Variants in CPAMD8 observed in about 807,000 individuals in gnomAD.
CPAMD8 encodes C3 and PZP-like alpha-2-macroglobulin domain-containing protein 8.
A neutral mutation model predicts 224.7 loss-of-function variants in CPAMD8; 146 were observed. The observed-to-expected ratio is 0.65, with a 90% CI of 0.57 to 0.75. The LOEUF (loss-of-function observed/expected upper bound fraction) is 0.75, where lower values mean the gene tolerates loss of function less well. Among genes scored for constraint, CPAMD8 ranks in the 30% least tolerant of loss-of-function variants. CPAMD8 has a pLI of 0.00. For missense variants in CPAMD8, 2,301 were observed against 2,537.5 expected (o/e 0.91, Z 2.00); for synonymous variants, 966 against 1,044.6 (o/e 0.92, Z 1.45).
chr19:16,997,365 G>A (rs1056529603), intron 10 of CPAMD8, 27 bp from the exon 11 acceptor site: 9 of 1,339,788 alleles, frequency 6.7e-6, no homozygotes, highest in Non-Finnish European at 9.5e-6. Flanking sequence ...CACAGCCCGT[G>A]CTCACTCAGG....
chr19:16,989,521 C>G (rs1422959750), intron 13 of CPAMD8, 122 bp downstream of exon 13: 48 of 1,214,176 alleles, frequency 4.0e-5, no homozygotes, highest in Non-Finnish European at 5.2e-5. Context: ...TCCTAACCTC[C>G]AGTGATCCGC....
chr19:17,001,161 A>G (rs1392533698), intron 9 of CPAMD8, among the ~76,000 whole-genome samples: 1 of 151,934 alleles, frequency 6.6e-6, no homozygotes, highest in African/African-American at 2.4e-5. Context: ...GTCTCTACTA[A>G]AAATACAAAA....
chr19:16,942,418 C>T (rs560453086), intron 22 of CPAMD8, among the ~76,000 whole-genome samples: 216 of 151,974 alleles, frequency 1.4e-3, no homozygotes, highest in Middle Eastern at 0.014. Flanking sequence ...GCTGAGATTG[C>T]ACCACTGCAC....
chr19:17,001,897 C>T (rs962997547), intron 9 of CPAMD8, among the ~76,000 whole-genome samples: 3 of 150,440 alleles, frequency 2.0e-5, no homozygotes, highest in Non-Finnish European at 3.0e-5. Context: ...GGATGATGCT[C>T]TAGCGGGTGG....
At chr19:16,968,721 C>T (rs372789053) in intron 18 of CPAMD8, among the ~76,000 whole-genome samples, 7 of 152,164 alleles carry the variant, frequency 4.6e-5, no homozygotes, top group African/African-American at 1.7e-4. Context: ...TCACTGCAGC[C>T]TCAACCTTCC....
intron 41 of CPAMD8, chr19:16,893,557 G>A (rs561747029): frequency 8.3e-5 from 39 of 468,434 alleles, no homozygotes; most frequent in Admixed American, 1.4e-4. Context: ...ATACCACCCC[G>A]GAGAAGATGG....
At chr19:17,005,658 G>A (rs2056468838) in intron 7 of CPAMD8, among the ~76,000 whole-genome samples, 1 of 152,142 alleles carries the variant, frequency 6.6e-6, no homozygotes, top group Admixed American at 6.6e-5. Flanking sequence ...TGATCATATG[G>A]GGAGGGCCAT....
At chr19:16,995,408 G>GT (rs1427038534) in intron 11 of CPAMD8, among the ~76,000 whole-genome samples, 2 of 150,060 alleles carry the variant, frequency 1.3e-5, no homozygotes, top group Non-Finnish European at 3.0e-5. Context: ...TTTGTTTTTT[G>GT]TTTTTTTATT....
intron 22 of CPAMD8, among the ~76,000 whole-genome samples, chr19:16,945,010 G>A (rs572892418): frequency 4.5e-4 from 69 of 152,272 alleles, no homozygotes; most frequent in African/African-American, 1.6e-3. Context: ...GTCATCTCTG[G>A]CTTCCCACCC....
chr19:16,959,893 T>A (rs2054595792), intron 18 of CPAMD8, among the ~76,000 whole-genome samples: 2 of 152,186 alleles, frequency 1.3e-5, no homozygotes, highest in Admixed American at 6.5e-5. Flanking sequence ...TTGTTAACTC[T>A]TTTACCTGGC....
chr19:16,950,924 C>T (rs2054280049), intron 20 of CPAMD8, among the ~76,000 whole-genome samples: 1 of 151,798 alleles, frequency 6.6e-6, no homozygotes, highest in African/African-American at 2.4e-5. Context: ...AACTGTGGGA[C>T]AATACATTTC....
At position 16,899,986 on chromosome 19, in the gene CPAMD8, T is replaced by C. The variant is rs2052186051; in HGVS notation, c.4774-437A>G. On this transcript the variant is annotated intron_variant, in intron 36 of 41. Coordinates refer to ENST00000443236, the MANE Select transcript of CPAMD8 (RefSeq NM_015692.5). The surrounding 1 kb of genome is among the most constrained non-coding windows in gnomAD (Gnocchi z 5.4). ...TGACCACATCCTCATCCCCTGGTGC[T>C]CCGTGCAGCCTCCTTGGAGGGGAGG... Among the ~76,000 whole-genome samples, 1 of 151,378 alleles carries C rather than the reference T, an allele frequency of 6.6e-6. No individual in the cohort carries two copies. The highest frequency in any genetic ancestry group is 1.5e-5 in the Non-Finnish European group (1 of 67,930).
chr19:16,976,420 G>C (rs531414000), intron 15 of CPAMD8, among the ~76,000 whole-genome samples: 1 of 152,118 alleles, frequency 6.6e-6, no homozygotes, highest in African/African-American at 2.4e-5. Context: ...AGGTTGCAGG[G>C]AGCTGAGAGA....
chr19:17,009,926 G>A (rs767471456), intron 5 of CPAMD8, among the ~76,000 whole-genome samples: 6 of 152,120 alleles, frequency 3.9e-5, no homozygotes, highest in Admixed American at 6.6e-5. Context: ...GATCCTGCCC[G>A]AGATTCACAG....
chr19:16,939,901 GTTT>G (rs951268272), intron 22 of CPAMD8, among the ~76,000 whole-genome samples: 1 of 151,030 alleles, frequency 6.6e-6, no homozygotes, highest in African/African-American at 2.4e-5. Context: ...GTTGTTTTGG[GTTT>G]TTTTTGTTTT....
chr19:16,914,606 G>GA (rs1452135130), intron 28 of CPAMD8, 51 bp downstream of exon 28: 2 of 1,613,000 alleles, frequency 1.2e-6, no homozygotes, highest in Non-Finnish European at 1.7e-6. Flanking sequence ...CAGGGCTGGG[G>GA]CTCTGGGAGG....
At chr19:16,980,782 A>G (rs1168535649) in intron 13 of CPAMD8, 96 bp from the exon 14 acceptor site, 2 of 1,005,458 alleles carry the variant, frequency 2.0e-6, no homozygotes, top group African/African-American at 3.4e-5. Flanking sequence ...GGAGGTTGGG[A>G]TGGCTGAGGG....
At chr19:16,951,472 C>T (rs929180746) in intron 20 of CPAMD8, among the ~76,000 whole-genome samples, 8 of 152,168 alleles carry the variant, frequency 5.3e-5, no homozygotes, top group Non-Finnish European at 1.0e-4. Flanking sequence ...CATATCTATT[C>T]AGGTAAGAGA....
intron 1 of CPAMD8, among the ~76,000 whole-genome samples, chr19:17,024,724 C>A (rs1176465791): frequency 6.6e-6 from 1 of 152,208 alleles, no homozygotes; most frequent in Non-Finnish European, 1.5e-5. Context: ...CACTGTCACA[C>A]CTGACCCACC....
Sources: allele counts gnomAD v4.1 joint callset (sites outside exome capture counted in the v4.1 genomes callset), GRCh38; gene constraint gnomAD v4.1.1; non-coding constraint Gnocchi (gnomAD v3.1); transcripts MANE v1.5; gene names NCBI Gene and HGNC (gene_info 2026-07-23, HGNC 2026-07-21).